The following EYA2 variants were observed in gnomAD, a reference collection of about 807,000 sequenced individuals.
EYA2 encodes the protein protein phosphatase EYA2.
Under a neutral mutation model 69.2 loss-of-function variants are expected in EYA2, and 31 were observed. The ratio of observed to expected loss-of-function variants is 0.45; its 90% CI spans 0.34 to 0.60. EYA2 has a LOEUF of 0.60. Ranked by LOEUF, EYA2 falls within the 20% of genes least tolerant of loss-of-function variation. The probability of loss-of-function intolerance (pLI) is 0.02; values close to 1 mark genes in which losing one functional copy is unlikely to be tolerated. For synonymous variants in EYA2, 257 were observed against 279.4 expected (o/e 0.92, Z 0.80); for missense variants, 622 against 701.2 (o/e 0.89, Z 1.28).
chr20:46,944,399 G>C (rs1158886084), intron 1 of EYA2, among the ~76,000 whole-genome samples: 1 of 152,158 alleles, frequency 6.6e-6, no homozygotes, highest in Non-Finnish European at 1.5e-5. Flanking sequence ...TCCTCACCTG[G>C]GCAGTGGGAA....
At chr20:47,079,385 C>T (rs764122634) in intron 7 of EYA2, among the ~76,000 whole-genome samples, 6 of 152,202 alleles carry the variant, frequency 3.9e-5, no homozygotes, top group Non-Finnish European at 8.8e-5. Flanking sequence ...AGGAGAATCA[C>T]TTCCTTGCCC....
At chr20:47,066,161 A>G (rs1396032051) in intron 5 of EYA2, among the ~76,000 whole-genome samples, 1 of 152,102 alleles carries the variant, frequency 6.6e-6, no homozygotes, top group African/African-American at 2.4e-5. Flanking sequence ...GCAACATGGC[A>G]AAACTCCATC....
intron 1 of EYA2, among the ~76,000 whole-genome samples, chr20:46,920,020 A>G (rs2146236394): frequency 6.6e-6 from 1 of 152,326 alleles, no homozygotes; most frequent in Non-Finnish European, 1.5e-5. Context: ...ACATTTATAC[A>G]TTAAGTTCAC....
At chr20:46,901,139 G>C (rs1984083363) in intron 1 of EYA2, 2 of 152,174 alleles carry the variant, frequency 1.3e-5, no homozygotes, top group Non-Finnish European at 1.5e-5. Context: ...AGATAGGAAG[G>C]CTGAAATTCT....
Position 47,125,911 on chromosome 20 carries a change from G to A in EYA2, c.889-17148G>A, listed in dbSNP as rs567015841. On this transcript the variant is annotated intron_variant, in intron 9 of 15. Transcript: ENST00000327619. ...TTTTTTTTCTTTAAAAGAGAGAGGG[G>A]AGGAGATCTCCATTCCAGGATTGGT... is the stretch of plus-strand genomic sequence containing the variant. Among the ~76,000 whole-genome samples the A allele has an allele frequency of 1.4e-4, 21 of 152,222 alleles. No individual in the cohort carries two copies. The South Asian group carries it at 4.1e-3, about 30-fold the overall frequency.
intron 5 of EYA2, among the ~76,000 whole-genome samples, chr20:47,055,822 C>T (rs1030724618): frequency 2.6e-5 from 4 of 152,184 alleles, no homozygotes; most frequent in Admixed American, 2.6e-4. Flanking sequence ...CCAGCATGTG[C>T]TCAGAGTAGC....
At chr20:47,166,031 C>T (rs77168150) in intron 10 of EYA2, among the ~76,000 whole-genome samples, 2,811 of 151,174 alleles carry the variant, frequency 0.019, 98 homozygotes, top group African/African-American at 0.064. Context: ...CTCTATTTTT[C>T]AAAAAAAGAA....
chr20:46,933,054 A>G (rs58490221), intron 1 of EYA2, among the ~76,000 whole-genome samples: 30,171 of 151,966 alleles, frequency 0.2, 4,093 homozygotes, highest in East Asian at 0.42. Flanking sequence ...AACCTCCTTT[A>G]TTTATAAATT....
intron 1 of EYA2, among the ~76,000 whole-genome samples, chr20:46,967,955 G>T (rs888589684): frequency 6.6e-6 from 1 of 152,228 alleles, no homozygotes; most frequent in Non-Finnish European, 1.5e-5. Context: ...CATGGGCTCT[G>T]CCCAAGGAGA....
At chr20:46,981,088 T>A (rs1786769126) in intron 1 of EYA2, among the ~76,000 whole-genome samples, 1 of 152,260 alleles carries the variant, frequency 6.6e-6, no homozygotes, top group Admixed American at 6.5e-5. Flanking sequence ...AGGAATGATT[T>A]CACGTTTTCT....
intron 14 of EYA2, among the ~76,000 whole-genome samples, chr20:47,182,085 G>A (rs904768243): frequency 1.2e-4 from 18 of 151,526 alleles, no homozygotes; most frequent in Non-Finnish European, 1.8e-4. Flanking sequence ...GTGCAATCTC[G>A]GCTCACTACA....
chr20:47,014,628 A>ACGTGTG (rs758094629), intron 4 of EYA2, among the ~76,000 whole-genome samples: 4 of 144,614 alleles, frequency 2.8e-5, no homozygotes, highest in African/African-American at 1.0e-4. Flanking sequence ...TGTGCACAAA[A>ACGTGTG]TGTGTGTGTG....
rs980896816 is a variant in EYA2, at chr20:47,127,221, C to T, written c.889-15838C>T. Among the ~76,000 whole-genome samples the T allele has an allele frequency of 2.6e-5, 4 of 152,098 alleles. No individual in the cohort carries two copies. The South Asian group carries it at 8.3e-4, about 32-fold the overall frequency. ...CTGTTCTCAACTGAACAGTTAGTTA[C>T]GGATGAAATTGTTAGTACAAGAATA... On this transcript the variant is annotated intron_variant, in intron 9 of 15. Transcript: ENST00000327619.
chr20:47,059,378 G>A (rs1255322628), intron 5 of EYA2, among the ~76,000 whole-genome samples: 1 of 152,122 alleles, frequency 6.6e-6, no homozygotes, highest in Non-Finnish European at 1.5e-5. Flanking sequence ...GTGTTGACAT[G>A]GAGTCTCACT....
At chr20:47,085,606 A>G (rs2031869689) in intron 7 of EYA2, among the ~76,000 whole-genome samples, 1 of 151,920 alleles carries the variant, frequency 6.6e-6, no homozygotes, top group African/African-American at 2.4e-5. Context: ...AGATCTCACC[A>G]CTGCACTCCA....
At position 47,054,447 on chromosome 20, in the gene EYA2, C is replaced by A. The variant is rs191463222; in HGVS notation, c.416-17738C>A. On this transcript the variant is annotated intron_variant, in intron 5 of 15. Transcript: ENST00000327619. ...CATGAATCCGTCAGTTTCACTGATTCCGTTCAGCAGATCAGCACTGAATGT... is the reference window on the plus strand; with the variant it reads ...CATGAATCCGTCAGTTTCACTGATTACGTTCAGCAGATCAGCACTGAATGT... Among the ~76,000 whole-genome samples, 45 of 152,292 alleles carry A rather than the reference C, an allele frequency of 3.0e-4. No individual in the cohort carries two copies. The East Asian group carries it at 7.9e-3, about 27-fold the overall frequency.
intron 7 of EYA2, among the ~76,000 whole-genome samples, chr20:47,078,526 CCA>C (rs1457831906): frequency 6.6e-6 from 1 of 152,222 alleles, no homozygotes; most frequent in Non-Finnish European, 1.5e-5. Flanking sequence ...GGTGCTCTCA[CCA>C]CTCACATCCC....
At chr20:46,908,595 A>G (rs1984478573) in intron 1 of EYA2, among the ~76,000 whole-genome samples, 1 of 152,242 alleles carries the variant, frequency 6.6e-6, no homozygotes, top group Non-Finnish European at 1.5e-5. Context: ...GCAACCGCAG[A>G]TACCCAGAGA....
chr20:47,158,648 C>T (rs1324172269), intron 10 of EYA2, among the ~76,000 whole-genome samples: 1 of 151,916 alleles, frequency 6.6e-6, no homozygotes, highest in African/African-American at 2.4e-5. Context: ...AACCAGAGCT[C>T]CATGGAGAAA....
Sources: allele counts gnomAD v4.1 joint callset (sites outside exome capture counted in the v4.1 genomes callset), GRCh38; gene constraint gnomAD v4.1.1; transcripts MANE v1.5; gene names NCBI Gene and HGNC (gene_info 2026-07-23, HGNC 2026-07-21).